The following PRELID2 variants were observed in gnomAD, a reference collection of about 807,000 sequenced individuals.
PRELID2 encodes PRELI domain containing 2, also known as PRELI domain-containing protein 2.
Under a neutral mutation model 28.4 loss-of-function variants are expected in PRELID2, and 25 were observed. That is an observed-to-expected ratio of 0.88 (90% confidence interval 0.64 to 1.23). PRELID2 has a LOEUF of 1.23. Ranked by LOEUF, PRELID2 falls within the 50% of genes most tolerant of loss-of-function variation. The pLI, the probability that PRELID2 is intolerant of heterozygous loss-of-function variation, is 0.00. For synonymous variants in PRELID2, 76 were observed against 71.6 expected, an observed-to-expected ratio of 1.06 and a Z score of -0.31; for missense variants, 201 against 214.4, an observed-to-expected ratio of 0.94 and a Z score of 0.39.
the PRELID2 span, among the ~76,000 whole-genome samples, chr5:145,310,014 A>G: frequency 5.3e-5 from 8 of 152,210 alleles, no homozygotes; most frequent in African/African-American, 1.9e-4. Context: ...AATCATAAAC[A>G]TTTGAAATCA....
At chr5:145,372,241 G>A in the PRELID2 span, among the ~76,000 whole-genome samples, 20 of 152,184 alleles carry the variant, frequency 1.3e-4, no homozygotes, top group Non-Finnish European at 1.5e-4. Context: ...CAATGTCCAT[G>A]TAATTGATTT....
Position 145,722,082 on chromosome 5 carries a change from TA to T in PRELID2, n.70+42848del, listed in dbSNP as rs1031087272. 4.3e-4 allele frequency among the ~76,000 whole-genome samples: 66 copies of T among 152,250 alleles called. 1 individual carries two copies. The highest frequency in any genetic ancestry group is 1.6e-3 in the African/African-American group (66 of 41,560). On this transcript the variant is annotated intron_variant and non_coding_transcript_variant, in intron 1 of 2. Coordinates refer to the PRELID2 transcript ENST00000510259. Reference sequence around the variant, plus strand: ...ACAGCATTCTCAATAAGACAGATCTTACAGATCTTATAGAAATGTATCAAAC... The same window carrying T: ...ACAGCATTCTCAATAAGACAGATCTTCAGATCTTATAGAAATGTATCAAAC...
chr5:145,395,244 C>T, the PRELID2 span, among the ~76,000 whole-genome samples: 1 of 152,024 alleles, frequency 6.6e-6, no homozygotes, highest in East Asian at 1.9e-4. Flanking sequence ...CTGCCCACCA[C>T]CCTGACTGCC....
the PRELID2 span, among the ~76,000 whole-genome samples, chr5:145,356,135 C>T: frequency 6.6e-6 from 1 of 152,248 alleles, no homozygotes; most frequent in African/African-American, 2.4e-5. Flanking sequence ...ACACTGGCCT[C>T]ATTCGAACAG....
chr5:145,613,103 G>A (rs1216033282), intron 1 of PRELID2, among the ~76,000 whole-genome samples: 2 of 152,000 alleles, frequency 1.3e-5, no homozygotes, highest in African/African-American at 4.8e-5. Context: ...TCACTGAAAG[G>A]TACAAGTGTC....
intron 1 of PRELID2, among the ~76,000 whole-genome samples, chr5:145,473,984 G>A (rs981662948): frequency 3.3e-5 from 5 of 152,178 alleles, no homozygotes; most frequent in South Asian, 2.1e-4. Flanking sequence ...TGTGGAAGCC[G>A]CCTTAGTTAG....
chr5:145,399,830 C>T, the PRELID2 span, among the ~76,000 whole-genome samples: 1 of 152,132 alleles, frequency 6.6e-6, no homozygotes, highest in African/African-American at 2.4e-5. Context: ...TAGATGGTGG[C>T]AGGCAAAGAG....
the PRELID2 span, among the ~76,000 whole-genome samples, chr5:145,243,933 C>CTTGT: frequency 3.3e-5 from 5 of 151,956 alleles, no homozygotes; most frequent in African/African-American, 1.2e-4. Flanking sequence ...TTCCAAGTTT[C>CTTGT]TTGTTTGTTT....
At chr5:145,383,637 C>T in the PRELID2 span, among the ~76,000 whole-genome samples, 2 of 149,230 alleles carry the variant, frequency 1.3e-5, no homozygotes, top group African/African-American at 4.9e-5. Flanking sequence ...AAAAAAAAAC[C>T]TCAACTTTTA....
At chr5:145,728,574 A>G in intron 1 of PRELID2, 1 of 859,776 alleles carries the variant, frequency 1.2e-6, no homozygotes, top group Non-Finnish European at 2.0e-6. Context: ...TGAATTGTTG[A>G]TCATGGCAAT....
the PRELID2 span, among the ~76,000 whole-genome samples, chr5:145,313,617 G>C: frequency 6.6e-6 from 1 of 152,200 alleles, no homozygotes; most frequent in African/African-American, 2.4e-5. Context: ...GGACTGGAAG[G>C]TGTGCTCATC....
intron 1 of PRELID2, among the ~76,000 whole-genome samples, chr5:145,561,623 T>C (rs1161188020): frequency 2.0e-5 from 3 of 152,172 alleles, no homozygotes; most frequent in East Asian, 3.9e-4. Flanking sequence ...ATTTTTTAGA[T>C]GAAAAGAAAG....
intron 1 of PRELID2, among the ~76,000 whole-genome samples, chr5:145,743,625 T>A (rs541134514): frequency 6.6e-5 from 10 of 151,832 alleles, no homozygotes; most frequent in African/African-American, 2.2e-4. Context: ...AGGGAGGTAG[T>A]GAGTGAGCGT....
chr5:145,709,093 G>A (rs147201023), intron 1 of PRELID2, among the ~76,000 whole-genome samples: 5 of 152,272 alleles, frequency 3.3e-5, no homozygotes, highest in African/African-American at 9.6e-5. Flanking sequence ...ACCACCTTGA[G>A]CAAAACTAGC....
At chr5:145,579,885 C>A (rs1753093370) in intron 1 of PRELID2, among the ~76,000 whole-genome samples, 1 of 152,036 alleles carries the variant, frequency 6.6e-6, no homozygotes, top group South Asian at 2.1e-4. Context: ...AAGGGCACAA[C>A]CTTGCCAGGT....
chr5:145,230,211 G>A, the PRELID2 span, among the ~76,000 whole-genome samples: 1 of 152,118 alleles, frequency 6.6e-6, no homozygotes, highest in Non-Finnish European at 1.5e-5. Flanking sequence ...TCCCCCCAAA[G>A]CCTGTAAACA....
chr5:145,250,364 TG>T, the PRELID2 span, among the ~76,000 whole-genome samples: 1 of 152,154 alleles, frequency 6.6e-6, no homozygotes, highest in Non-Finnish European at 1.5e-5. Flanking sequence ...TCTGTGCCAA[TG>T]GTGCTAGAAT....
the PRELID2 span, among the ~76,000 whole-genome samples, chr5:145,369,420 C>T: frequency 2.0e-5 from 3 of 151,970 alleles, no homozygotes; most frequent in Non-Finnish European, 4.4e-5. Context: ...TGGCTTCCAA[C>T]TTCATCCATG....
chr5:145,347,275 T>C, the PRELID2 span, among the ~76,000 whole-genome samples: 1 of 152,184 alleles, frequency 6.6e-6, no homozygotes, highest in Non-Finnish European at 1.5e-5. Context: ...GAAAGCTGAG[T>C]TGAAAAAAAT....
Sources: allele counts gnomAD v4.1 joint callset (sites outside exome capture counted in the v4.1 genomes callset), GRCh38; gene constraint gnomAD v4.1.1; transcripts MANE v1.5; gene names NCBI Gene and HGNC (gene_info 2026-07-23, HGNC 2026-07-21).